CFAP54: variants seen among roughly 807,000 people sequenced by gnomAD.
CFAP54 encodes the protein cilia- and flagella-associated protein 54.
Under a neutral mutation model 370.4 loss-of-function variants are expected in CFAP54, and 290 were observed. That is an observed-to-expected ratio of 0.78 (90% CI 0.71 to 0.86). The LOEUF (loss-of-function observed/expected upper bound fraction) is 0.86. CFAP54 is among the 40% of genes least tolerant of loss of function. The probability of loss-of-function intolerance (pLI) is 0.00; values close to 1 mark genes in which losing one functional copy is unlikely to be tolerated. For missense variants in CFAP54, 3,399 were observed against 3,528.7 expected (o/e 0.96, Z 0.93); for synonymous variants, 1,206 against 1,236.5 (o/e 0.98, Z 0.52).
chr12:96,512,941 A>G (rs1289816617), intron 4 of CFAP54, 45 bp from the exon 5 acceptor site: 4 of 1,279,890 alleles, frequency 3.1e-6, no homozygotes, highest in Non-Finnish European at 3.2e-6. Flanking sequence ...TAAAATTTCT[A>G]TCATTTGACT....
At chr12:96,554,578 A>G (rs1477573357) in intron 16 of CFAP54, 98 bp from the exon 17 acceptor site, 2 of 1,260,162 alleles carry the variant, frequency 1.6e-6, no homozygotes, top group East Asian at 2.6e-5. Flanking sequence ...TAATGGTTAC[A>G]AATAAGATGA....
At chr12:96,731,926 A>C (rs745620595) in intron 50 of CFAP54, among the ~76,000 whole-genome samples, 25 of 152,190 alleles carry the variant, frequency 1.6e-4, no homozygotes, top group Non-Finnish European at 2.9e-4. Context: ...TTGATACTAC[A>C]TTGGTGTAGT....
rs557562165 is a variant in CFAP54 at position 96,789,496 on chromosome 12, G to A, written c.8679+2598G>A. On this transcript the variant is annotated intron_variant, in intron 62 of 67. Coordinates refer to ENST00000524981, the MANE Select transcript of CFAP54 (RefSeq NM_001306084.2). ...CATTTTGGAGTAGGGGGCAGAGGAC[G>A]GGAAGACTGAGAACAATAGTTTCAA... Among the ~76,000 whole-genome samples the A allele has an allele frequency of 3.3e-5, 5 of 152,282 alleles. No individual in the cohort carries two copies. The South Asian group carries it at 8.3e-4, about 25-fold the overall frequency.
intron 50 of CFAP54, among the ~76,000 whole-genome samples, chr12:96,723,236 A>T (rs892532369): frequency 6.6e-5 from 10 of 152,352 alleles, no homozygotes; most frequent in African/African-American, 1.9e-4. Context: ...AACTAAAAAA[A>T]GTAAAGACAG....
chr12:96,717,631 G>C (rs1265297748), intron 48 of CFAP54, among the ~76,000 whole-genome samples: 3 of 152,208 alleles, frequency 2.0e-5, no homozygotes, highest in African/African-American at 4.8e-5. Flanking sequence ...ATAAGAGCAG[G>C]CTTTGGATCG....
intron 50 of CFAP54, among the ~76,000 whole-genome samples, chr12:96,736,932 T>G (rs1957986658): frequency 6.6e-6 from 1 of 152,220 alleles, no homozygotes; most frequent in Non-Finnish European, 1.5e-5. Context: ...TGGGGCTGAT[T>G]GCCTGAGTTT....
chr12:96,855,512 T>A (rs1355379694), intron 66 of CFAP54, among the ~76,000 whole-genome samples: 2 of 152,146 alleles, frequency 1.3e-5, no homozygotes, highest in Admixed American at 1.3e-4. Context: ...ATACACCCAT[T>A]CCAAATGGGA....
intron 19 of CFAP54, among the ~76,000 whole-genome samples, chr12:96,575,767 G>A (rs909140999): frequency 2.0e-5 from 3 of 152,098 alleles, no homozygotes; most frequent in African/African-American, 7.2e-5. Flanking sequence ...ATGGTGTGAA[G>A]TAGGAGTTGA....
chr12:96,555,408 T>C (rs991274045), intron 17 of CFAP54, among the ~76,000 whole-genome samples: 3 of 151,664 alleles, frequency 2.0e-5, no homozygotes, highest in Non-Finnish European at 2.9e-5. Context: ...AAAATATTTA[T>C]ACTGAGAATT....
chr12:96,596,708 A>G (rs191105685), intron 25 of CFAP54, among the ~76,000 whole-genome samples: 1 of 152,238 alleles, frequency 6.6e-6, no homozygotes, highest in East Asian at 1.9e-4. Context: ...CAAAGAACCT[A>G]TGTGTAACAA....
At chr12:96,536,209 T>A (rs1187596986) in intron 12 of CFAP54, among the ~76,000 whole-genome samples, 1 of 152,214 alleles carries the variant, frequency 6.6e-6, no homozygotes, top group African/African-American at 2.4e-5. Context: ...GGTGTTTGGT[T>A]TTCTGTTCCT....
intron 33 of CFAP54, among the ~76,000 whole-genome samples, chr12:96,647,472 CAAAA>C (rs57089692): frequency 3.4e-4 from 14 of 40,770 alleles, no homozygotes; most frequent in East Asian, 3.3e-3. Context: ...GACTCTGTCC[CAAAA>C]AAAAAAAAAA....
intron 17 of CFAP54, among the ~76,000 whole-genome samples, chr12:96,557,249 C>A (rs553556635): frequency 9.2e-5 from 14 of 152,124 alleles, no homozygotes; most frequent in Admixed American, 7.9e-4. Flanking sequence ...TGTCTAGTGG[C>A]AATTTACTAA....
intron 66 of CFAP54, among the ~76,000 whole-genome samples, chr12:96,835,878 G>A (rs2136767306): frequency 6.6e-6 from 1 of 152,286 alleles, no homozygotes; most frequent in Non-Finnish European, 1.5e-5. Flanking sequence ...TGGTGTGATG[G>A]CAGTGGTAGG....
rs544839578 is a variant in CFAP54 at position 96,824,712 on chromosome 12, G to A, written c.9097-4302G>A. ...CATAGAAGCTGGCCCACTTCTAGCC[G>A]TGATCACTTCCTACCCAAACTGTTT... On this transcript the variant is annotated intron_variant, in intron 65 of 67. Transcript: ENST00000524981. 5.5e-4 allele frequency among the ~76,000 whole-genome samples: 83 copies of A among 152,040 alleles called. 1 individual carries two copies. Among genetic ancestry groups the A allele is most frequent in the Non-Finnish European group, 8.4e-4 (57 of 68,012 alleles).
At chr12:96,797,935 T>A (rs1034661371) in intron 63 of CFAP54, among the ~76,000 whole-genome samples, 3 of 152,022 alleles carry the variant, frequency 2.0e-5, no homozygotes, top group Non-Finnish European at 2.9e-5. Flanking sequence ...TACTTTTGGA[T>A]TGATTTCTTT....
Position 96,708,602 on chromosome 12 carries a change from T to C in CFAP54, c.6529-6T>C, listed in dbSNP as rs746160211. 7.0e-6 allele frequency: 11 copies of C among 1,582,142 alleles called. No individual in the cohort carries two copies. The highest frequency in any genetic ancestry group is 9.4e-6 in the Non-Finnish European group (11 of 1,171,738). On this transcript the variant is annotated splice_polypyrimidine_tract_variant and splice_region_variant and intron_variant, in intron 47 of 67. Transcript: ENST00000524981. ...TTTGCTCTTTTTCCTTTTTTCCATT[T>C]TTTAGGCAATTGATGAATTAAGAAA...
chr12:96,688,851 CATTT>C (rs1957356778), intron 42 of CFAP54, 61 bp from the exon 43 acceptor site: 3 of 856,544 alleles, frequency 3.5e-6, no homozygotes, highest in Non-Finnish European at 5.6e-6. Flanking sequence ...TATGTAAAGA[CATTT>C]ATATCAAAAT....
chr12:96,618,621 G>C (rs1450263798), intron 26 of CFAP54, among the ~76,000 whole-genome samples: 1 of 50,606 alleles, frequency 2.0e-5, no homozygotes, highest in Admixed American at 2.5e-4. Context: ...GGGTGGGTTT[G>C]GGCCGCCACT....
Sources: allele counts gnomAD v4.1 joint callset (sites outside exome capture counted in the v4.1 genomes callset), GRCh38; gene constraint gnomAD v4.1.1; transcripts MANE v1.5; gene names NCBI Gene and HGNC (gene_info 2026-07-23, HGNC 2026-07-21).